The following NFIA variants were observed in gnomAD, a reference collection of about 807,000 sequenced individuals.
The protein encoded by NFIA is nuclear factor 1 A-type.
Under a neutral mutation model 62.8 loss-of-function variants are expected in NFIA, and 8 were observed. The ratio of observed to expected loss-of-function variants is 0.13; its 90% CI spans 0.07 to 0.23. The LOEUF (loss-of-function observed/expected upper bound fraction) is 0.23, where lower values mean the gene tolerates loss of function less well. Ranked by LOEUF, NFIA falls within the 10% of genes least tolerant of loss-of-function variation. The probability of loss-of-function intolerance (pLI) is 1.00; values close to 1 mark genes in which losing one functional copy is unlikely to be tolerated. For synonymous variants in NFIA, 235 were observed against 238.1 expected (o/e 0.99, Z 0.12); for missense variants, 410 against 642.1 (o/e 0.64, Z 3.91).
intron 2 of NFIA, among the ~76,000 whole-genome samples, chr1:61,137,854 G>A (rs1029787794): frequency 4.6e-5 from 7 of 152,064 alleles, no homozygotes; most frequent in African/African-American, 1.7e-4. Flanking sequence ...TTCCAGTTGT[G>A]ATAGATGTTG....
intron 2 of NFIA, among the ~76,000 whole-genome samples, chr1:61,139,344 G>A (rs569402970): frequency 6.6e-6 from 1 of 152,300 alleles, no homozygotes; most frequent in East Asian, 1.9e-4. Flanking sequence ...TGAGGTACAA[G>A]TATCTTAGGC....
chr1:61,444,625 C>G (rs901630090), intron 10 of NFIA, among the ~76,000 whole-genome samples: 1 of 152,158 alleles, frequency 6.6e-6, no homozygotes, highest in Non-Finnish European at 1.5e-5. Flanking sequence ...CATTTTAGCT[C>G]AGACATTTTA....
chr1:61,081,025 A>G (rs79639832), upstream of NFIA, among the ~76,000 whole-genome samples: 3,791 of 152,176 alleles, frequency 0.025, 76 homozygotes, highest in Non-Finnish European at 0.041. Context: ...TCCCCTCTTT[A>G]GAGACTCTCT....
chr1:61,450,039 C>T (rs1277414855), intron 10 of NFIA, among the ~76,000 whole-genome samples: 1 of 152,156 alleles, frequency 6.6e-6, no homozygotes, highest in Non-Finnish European at 1.5e-5. Context: ...TACTGGGCAT[C>T]GTTCATTGCC....
intron 2 of NFIA, among the ~76,000 whole-genome samples, chr1:61,104,374 A>G (rs1288388953): frequency 6.6e-6 from 1 of 152,110 alleles, no homozygotes; most frequent in African/African-American, 2.4e-5. Flanking sequence ...CACAGGAAGT[A>G]AAAGAAAAGT....
intron 2 of NFIA, among the ~76,000 whole-genome samples, chr1:61,139,053 C>T (rs1268306705): frequency 6.6e-6 from 1 of 151,998 alleles, no homozygotes; most frequent in African/African-American, 2.4e-5. Context: ...AACTGGGTGC[C>T]TGTAATCCCA....
intron 4 of NFIA, among the ~76,000 whole-genome samples, chr1:61,336,864 A>ATTATACCT (rs1479110844): frequency 3.3e-5 from 5 of 152,130 alleles, no homozygotes; most frequent in Admixed American, 1.3e-4. Context: ...CATGGGCTGA[A>ATTATACCT]AATTTCACAG....
At chr1:61,101,203 C>T (rs1278258824) in intron 2 of NFIA, among the ~76,000 whole-genome samples, 1 of 151,838 alleles carries the variant, frequency 6.6e-6, no homozygotes, top group Non-Finnish European at 1.5e-5. Context: ...CGAGATCAGC[C>T]TGACAAATAT....
chr1:61,285,629 T>A (rs948045632), intron 3 of NFIA, among the ~76,000 whole-genome samples: 1 of 152,164 alleles, frequency 6.6e-6, no homozygotes, highest in Admixed American at 6.5e-5. Flanking sequence ...TGGCATTAGC[T>A]TGTCGTTAAG....
At chr1:61,156,630 G>A (rs574681968) in intron 2 of NFIA, among the ~76,000 whole-genome samples, 5 of 152,254 alleles carry the variant, frequency 3.3e-5, no homozygotes, top group East Asian at 1.9e-4. Flanking sequence ...TTTTACTACC[G>A]AAAATACATA....
At chr1:61,220,767 T>A (rs777519900) in intron 2 of NFIA, among the ~76,000 whole-genome samples, 1 of 152,178 alleles carries the variant, frequency 6.6e-6, no homozygotes, top group African/African-American at 2.4e-5. Context: ...ACCCTCCAAT[T>A]TGTTATTGCA....
chr1:61,319,350 T>C (rs921328071), intron 3 of NFIA, among the ~76,000 whole-genome samples: 1 of 152,178 alleles, frequency 6.6e-6, no homozygotes. Flanking sequence ...AATCTTCCAT[T>C]ACATCTCAAG....
chr1:61,207,211 T>C (rs1652955521), intron 2 of NFIA, among the ~76,000 whole-genome samples: 1 of 152,140 alleles, frequency 6.6e-6, no homozygotes, highest in Non-Finnish European at 1.5e-5. Context: ...GAAACAAAAA[T>C]TTAATGAATG....
chr1:61,193,697 G>C (rs770439704), intron 2 of NFIA, among the ~76,000 whole-genome samples: 3 of 152,114 alleles, frequency 2.0e-5, no homozygotes, highest in Non-Finnish European at 4.4e-5. Context: ...TGAAATATTT[G>C]CAGAACAAGC....
rs141528081 is a variant in NFIA, at chr1:61,164,812, A to G, written c.559+76132A>G. 9.1e-3 allele frequency among the ~76,000 whole-genome samples: 1,386 copies of G among 152,266 alleles called. 16 individuals are homozygous for G. The highest frequency in any genetic ancestry group is 0.061 in the Middle Eastern group (18 of 294). ...AGTGGGAGATGGTGAAGAAGTGGGA[A>G]ATCATTGTTGCACTTACTAGTGAAC... On this transcript the variant is annotated intron_variant, in intron 2 of 10. Coordinates refer to ENST00000403491, the MANE Select transcript of NFIA (RefSeq NM_001134673.4).
intron 3 of NFIA, among the ~76,000 whole-genome samples, chr1:61,315,119 C>T (rs546909371): frequency 2.0e-5 from 3 of 152,302 alleles, no homozygotes; most frequent in Non-Finnish European, 2.9e-5. Context: ...ATTGAGCTTA[C>T]TGACTCTTTT....
intron 2 of NFIA, among the ~76,000 whole-genome samples, chr1:61,155,318 A>G (rs1648715693): frequency 6.6e-6 from 1 of 152,166 alleles, no homozygotes; most frequent in South Asian, 2.1e-4. Flanking sequence ...TGTTCTAGCA[A>G]TTCTATGTTC....
intron 2 of NFIA, among the ~76,000 whole-genome samples, chr1:61,141,247 C>T: frequency 6.6e-6 from 1 of 152,056 alleles, no homozygotes; most frequent in African/African-American, 2.4e-5. Context: ...AACCCCTGCT[C>T]AGCATGAAAA....
chr1:61,332,663 C>T, intron 4 of NFIA, 77 bp downstream of exon 4: 2 of 1,180,730 alleles, frequency 1.7e-6, no homozygotes, highest in Admixed American at 2.2e-5. Context: ...CTCCTAGAGA[C>T]CAAAAAAAGC....
Sources: allele counts gnomAD v4.1 joint callset (sites outside exome capture counted in the v4.1 genomes callset), GRCh38; gene constraint gnomAD v4.1.1; transcripts MANE v1.5; gene names NCBI Gene and HGNC (gene_info 2026-07-23, HGNC 2026-07-21).